The following ANKFN1 variants were observed in gnomAD, a reference collection of about 807,000 sequenced individuals.
ANKFN1 encodes ankyrin repeat and fibronectin type III domain containing 1, also known as ankyrin repeat and fibronectin type-III domain-containing protein 1.
In ANKFN1, 74 loss-of-function variants were observed where a neutral mutation model predicts 108.7. The ratio of observed to expected loss-of-function variants is 0.68; its 90% confidence interval spans 0.56 to 0.83. The LOEUF (loss-of-function observed/expected upper bound fraction) is 0.83, where lower values mean the gene tolerates loss of function less well. Ranked by LOEUF, ANKFN1 falls within the 40% of genes least tolerant of loss-of-function variation. The pLI is 0.00. For synonymous variants in ANKFN1, 547 were observed against 516.2 expected (o/e 1.06, Z -0.81); for missense variants, 1,505 against 1,382.3 (o/e 1.09, Z -1.41).
chr17:56,411,367 G>C (rs1406601995), intron 8 of ANKFN1, among the ~76,000 whole-genome samples: 1 of 152,086 alleles, frequency 6.6e-6, no homozygotes, highest in Non-Finnish European at 1.5e-5. Flanking sequence ...GAATGTATCA[G>C]TTCTACAGGT....
chr17:56,366,632 T>C (rs1174377405), intron 6 of ANKFN1, among the ~76,000 whole-genome samples: 1 of 152,228 alleles, frequency 6.6e-6, no homozygotes, highest in Non-Finnish European at 1.5e-5. Flanking sequence ...TTCCATGTTG[T>C]AATAGATTTA....
intron 3 of ANKFN1, among the ~76,000 whole-genome samples, chr17:56,267,060 C>T (rs1310912499): frequency 6.6e-6 from 1 of 152,136 alleles, no homozygotes; most frequent in African/African-American, 2.4e-5. Flanking sequence ...TTTTTCCGTC[C>T]TCAGCCTCCT....
At chr17:56,430,708 TC>T (rs567621753) in intron 8 of ANKFN1, among the ~76,000 whole-genome samples, 3 of 152,334 alleles carry the variant, frequency 2.0e-5, no homozygotes, top group African/African-American at 7.2e-5. Flanking sequence ...TATTTATTGA[TC>T]TTCTGCATGC....
At chr17:56,434,714 C>G (rs1044951909) in intron 8 of ANKFN1, among the ~76,000 whole-genome samples, 8 of 152,108 alleles carry the variant, frequency 5.3e-5, no homozygotes, top group African/African-American at 1.9e-4. Flanking sequence ...CATGCTGCAG[C>G]AAGACACATC....
chr17:56,244,344 T>TAAG (rs1917807991), intron 3 of ANKFN1, among the ~76,000 whole-genome samples: 1 of 152,080 alleles, frequency 6.6e-6, no homozygotes, highest in Non-Finnish European at 1.5e-5. Flanking sequence ...TAAGGGAATA[T>TAAG]TTCCTCAGTA....
intron 3 of ANKFN1, among the ~76,000 whole-genome samples, chr17:56,312,089 C>CCA (rs1484223837): frequency 1.3e-5 from 2 of 152,184 alleles, no homozygotes; most frequent in African/African-American, 4.8e-5. Context: ...TTCACCCCCA[C>CCA]CACCCAGTGT....
At chr17:56,217,873 G>T (rs1915538136) in intron 2 of ANKFN1, among the ~76,000 whole-genome samples, 2 of 152,104 alleles carry the variant, frequency 1.3e-5, no homozygotes, top group South Asian at 4.1e-4. Flanking sequence ...AATAATTAGT[G>T]ACTTCTAGAT....
At chr17:56,093,037 C>T (rs557650881) in intron 4 of ANKFN1, among the ~76,000 whole-genome samples, 3 of 151,120 alleles carry the variant, frequency 2.0e-5, no homozygotes, top group Admixed American at 6.6e-5. Flanking sequence ...CATAATCAAA[C>T]AAATTAATAA....
intron 1 of ANKFN1, among the ~76,000 whole-genome samples, chr17:56,197,554 G>T (rs756038377): frequency 1.6e-4 from 25 of 152,114 alleles, no homozygotes; most frequent in Non-Finnish European, 2.8e-4. Flanking sequence ...ATTTTCTTCT[G>T]CATTTTCCTC....
chr17:56,202,821 G>T (rs1253030470), intron 1 of ANKFN1, among the ~76,000 whole-genome samples: 4 of 152,110 alleles, frequency 2.6e-5, no homozygotes, highest in African/African-American at 7.2e-5. Context: ...AAAATATAAT[G>T]ATGCGAAAGA....
At chr17:56,368,217 T>C (rs1165366474) in intron 6 of ANKFN1, 2 of 1,272,368 alleles carry the variant, frequency 1.6e-6, no homozygotes, top group Admixed American at 2.7e-5. Context: ...AAGTCTGAAA[T>C]TTTTTTATCA....
At chr17:56,215,808 A>T (rs904924002) in intron 2 of ANKFN1, 2 of 152,494 alleles carry the variant, frequency 1.3e-5, no homozygotes, top group African/African-American at 4.8e-5. Flanking sequence ...CCACAAATGA[A>T]GTACCTGGTC....
intron 1 of ANKFN1, among the ~76,000 whole-genome samples, chr17:56,184,425 G>C (rs1911992653): frequency 6.6e-6 from 1 of 152,098 alleles, no homozygotes; most frequent in Non-Finnish European, 1.5e-5. Context: ...TAGACATAAT[G>C]CTGTTGCACA....
chr17:56,366,697 G>T (rs1329856468), intron 6 of ANKFN1, among the ~76,000 whole-genome samples: 1 of 152,202 alleles, frequency 6.6e-6, no homozygotes, highest in African/African-American at 2.4e-5. Context: ...ACAGCAACAT[G>T]CTGTACAGGT....
At chr17:56,411,634 T>C (rs186846639) in intron 8 of ANKFN1, among the ~76,000 whole-genome samples, 1 of 152,224 alleles carries the variant, frequency 6.6e-6, no homozygotes, top group South Asian at 2.1e-4. Flanking sequence ...TTGTTGTGTA[T>C]GGTCTTTATT....
intron 4 of ANKFN1, among the ~76,000 whole-genome samples, chr17:56,122,711 A>G (rs970239756): frequency 6.6e-6 from 1 of 152,230 alleles, no homozygotes; most frequent in Admixed American, 6.6e-5. Context: ...AGAGAAAGAA[A>G]ATCAAATAGT....
chr17:56,258,350 T>C (rs1381489868), intron 3 of ANKFN1: 1 of 152,180 alleles, frequency 6.6e-6, no homozygotes, highest in African/African-American at 2.4e-5. Flanking sequence ...ATAAAGACAA[T>C]ATTGTAAAAT....
At chr17:56,476,357 A>C (rs2145343890) in intron 15 of ANKFN1, among the ~76,000 whole-genome samples, 1 of 152,352 alleles carries the variant, frequency 6.6e-6, no homozygotes, top group South Asian at 2.1e-4. Flanking sequence ...GAGAATCAAA[A>C]GTCACAACCC....
chr17:56,327,126 A>T (rs1257538902), intron 4 of ANKFN1, among the ~76,000 whole-genome samples: 1 of 152,154 alleles, frequency 6.6e-6, no homozygotes, highest in Non-Finnish European at 1.5e-5. Context: ...ATCAAGACTG[A>T]ATTTGCTTCT....
Sources: allele counts gnomAD v4.1 joint callset (sites outside exome capture counted in the v4.1 genomes callset), GRCh38; gene constraint gnomAD v4.1.1; transcripts MANE v1.5; gene names NCBI Gene and HGNC (gene_info 2026-07-23, HGNC 2026-07-21).